SPNS3: variants seen among roughly 807,000 people sequenced by gnomAD.
SPNS3 encodes protein spinster homolog 3.
SPNS3 carries 51 observed loss-of-function variants against 54.4 expected under a neutral mutation model. That is an observed-to-expected ratio of 0.94 (90% CI 0.75 to 1.18). SPNS3 has a LOEUF of 1.18. SPNS3 is among the 50% of genes most tolerant of loss of function. The pLI, the probability that SPNS3 is intolerant of heterozygous loss-of-function variation, is 0.00. For synonymous variants in SPNS3, 309 were observed against 294.7 expected, an observed-to-expected ratio of 1.05 and a Z score of -0.50; for missense variants, 669 against 677.4, an observed-to-expected ratio of 0.99 and a Z score of 0.14.
intron 8 of SPNS3, among the ~76,000 whole-genome samples, chr17:4,473,723 G>A (rs559782805): frequency 2.0e-5 from 3 of 152,274 alleles, no homozygotes; most frequent in African/African-American, 7.2e-5. Context: ...GTGAGGACCT[G>A]GGATGGAGGC....
intron 3 of SPNS3, 143 bp from the exon 4 acceptor site, chr17:4,445,905 G>A (rs62067396): frequency 0.13 from 118,529 of 888,132 alleles, 8,961 homozygotes; most frequent in Middle Eastern, 0.17. Context: ...CTGGAGTGGA[G>A]AGGTGTCTGT....
In SPNS3 at chr17:4,486,344, G is replaced by T; in HGVS notation, c.1278+18G>T. The T allele has an allele frequency of 6.2e-7, 1 of 1,600,310 alleles. No individual in the cohort carries two copies. Among genetic ancestry groups the T allele is most frequent in the Non-Finnish European group, 8.5e-7 (1 of 1,174,130 alleles). The stretch of plus-strand genomic sequence containing the variant: ...CAGGACTTGTAAGACGTGTCTGCGT[G>T]TGTGGGGTGGGGAGGGTCTGGGGGC... On this transcript the variant is annotated intron_variant, in intron 10 of 11. Transcript: ENST00000355530. The surrounding 1 kb of genome is among the most constrained non-coding windows in gnomAD (Gnocchi z 5.5).
At chr17:4,481,417 G>A (rs1306133219) in intron 9 of SPNS3, among the ~76,000 whole-genome samples, 1 of 152,174 alleles carries the variant, frequency 6.6e-6, no homozygotes, top group Non-Finnish European at 1.5e-5. Context: ...CAGGGGCCCA[G>A]GGAGGGAGGA....
intron 1 of SPNS3, among the ~76,000 whole-genome samples, chr17:4,437,901 C>T (rs1216749462): frequency 6.6e-6 from 1 of 151,860 alleles, no homozygotes; most frequent in African/African-American, 2.4e-5. Context: ...ATTCTCCTGC[C>T]TCAGCCTCCT....
At chr17:4,470,432 T>C (rs1245591807) in intron 8 of SPNS3, among the ~76,000 whole-genome samples, 1 of 151,698 alleles carries the variant, frequency 6.6e-6, no homozygotes, top group Non-Finnish European at 1.5e-5. Flanking sequence ...TGTCTTAAAA[T>C]AATATTAGTA....
chr17:4,467,032 C>T (rs1253031413), intron 8 of SPNS3, among the ~76,000 whole-genome samples: 2 of 151,930 alleles, frequency 1.3e-5, no homozygotes, highest in East Asian at 1.9e-4. Flanking sequence ...AGCGGGGAAG[C>T]GCAGTCCATG....
chr17:4,480,932 C>G (rs1241060636), intron 9 of SPNS3, among the ~76,000 whole-genome samples: 1 of 152,192 alleles, frequency 6.6e-6, no homozygotes, highest in Admixed American at 6.5e-5. Context: ...CTGAGCAATC[C>G]TTGTAGCCCC....
intron 1 of SPNS3, among the ~76,000 whole-genome samples, chr17:4,436,932 G>T (rs1478449811): frequency 6.6e-6 from 1 of 152,202 alleles, no homozygotes; most frequent in Middle Eastern, 3.2e-3. Flanking sequence ...CTGAACCCAC[G>T]AGCCTGGGGA....
chr17:4,476,944 C>T (rs1024543380), intron 8 of SPNS3, among the ~76,000 whole-genome samples: 1 of 152,228 alleles, frequency 6.6e-6, no homozygotes, highest in Non-Finnish European at 1.5e-5. Flanking sequence ...CGTGGGTCCC[C>T]GGCTGGCGTG....
chr17:4,439,782 T>C, intron 2 of SPNS3, 59 bp downstream of exon 2: 1 of 1,493,396 alleles, frequency 6.7e-7, no homozygotes. Flanking sequence ...GGTGGGCTCT[T>C]TCTGTGGGTC....
intron 7 of SPNS3, 37 bp from the exon 8 acceptor site, chr17:4,452,979 C>T (rs1410767088): frequency 6.3e-7 from 1 of 1,592,388 alleles, no homozygotes; most frequent in East Asian, 2.2e-5. Context: ...GCTAAGCTCA[C>T]CCAGCTGACC....
chr17:4,485,010 A>C (rs576458383), intron 9 of SPNS3: 1 of 152,166 alleles, frequency 6.6e-6, no homozygotes, highest in Non-Finnish European at 1.5e-5. Context: ...TGTGCATAGG[A>C]GTTGCGGGAG....
intron 8 of SPNS3, among the ~76,000 whole-genome samples, chr17:4,470,230 A>G (rs535387003): frequency 6.6e-6 from 1 of 152,140 alleles, no homozygotes; most frequent in African/African-American, 2.4e-5. Context: ...GGAGTTCGAG[A>G]CCAGCCTGGC....
chr17:4,449,131 A>G lies in SPNS3; in HGVS notation c.771-104A>G. The G allele has an allele frequency of 3.8e-6, 5 of 1,326,824 alleles. No homozygotes were observed. The Admixed American group carries it at 9.7e-5, about 26-fold the overall frequency. The allele number at this position is 1,326,824 out of a possible 1,614,324, so 82.2% of individuals were successfully genotyped here. On this transcript the variant is annotated intron_variant, in intron 6 of 11. Transcript: ENST00000355530. ...CCTATGGAATCTTGAAGGTAATGAG[A>G]CAAGATGGGAAAGTTCCTAGACTGC... is the stretch of plus-strand genomic sequence containing the variant.
intron 1 of SPNS3, among the ~76,000 whole-genome samples, chr17:4,438,079 G>A (rs535148556): frequency 3.0e-4 from 46 of 152,334 alleles, no homozygotes; most frequent in African/African-American, 1.0e-3. Context: ...GAGCCACCAC[G>A]TCCCTCCCTG....
rs748351272 is a variant in SPNS3 at position 4,486,592 on chromosome 17, C to G, written c.1450+9C>G. On this transcript the variant is annotated intron_variant, in intron 11 of 11. Coordinates refer to ENST00000355530, the MANE Select transcript of SPNS3 (RefSeq NM_182538.5). This position sits in a 1 kb window ranked among gnomAD's most constrained non-coding sequence, Gnocchi z 5.5. ...CTGGCAGCCTGTCACAGGTACCCTA[C>G]CCATTGCACCAGGCCCGGCTCAGGG... 1 of 1,604,484 alleles carries G rather than the reference C, an allele frequency of 6.2e-7. No individual in the cohort carries two copies. Among genetic ancestry groups the G allele is most frequent in the Admixed American group, 1.7e-5 (1 of 59,208 alleles).
At chr17:4,484,451 G>A (rs1423441147) in intron 9 of SPNS3, among the ~76,000 whole-genome samples, 1 of 152,132 alleles carries the variant, frequency 6.6e-6, no homozygotes, top group Non-Finnish European at 1.5e-5. Context: ...CTCCTGAGTA[G>A]CTGGGATTAT....
rs554968916 is a variant in SPNS3 at position 4,438,638 on chromosome 17, T to C, written c.200-1020T>C. 5.9e-5 allele frequency among the ~76,000 whole-genome samples: 9 copies of C among 152,346 alleles called. No homozygotes were observed. In the East Asian group the frequency reaches 1.4e-3, roughly 23 times the overall value. Reference sequence around the variant, plus strand: ...GAACAGGCTTGTGTGTGCACATGCGTGCAAGCCAGGACACGTTCGTCTTTT... The same window carrying C: ...GAACAGGCTTGTGTGTGCACATGCGCGCAAGCCAGGACACGTTCGTCTTTT... On this transcript the variant is annotated intron_variant, in intron 1 of 11. Coordinates refer to ENST00000355530, the MANE Select transcript of SPNS3 (RefSeq NM_182538.5).
chr17:4,450,354 C>CCTCTCTCTCT lies in SPNS3; in HGVS notation c.923+973_923+982dup, dbSNP rs58694489. Among the ~76,000 whole-genome samples, 3 of 122,194 alleles carry CCTCTCTCTCT rather than the reference C, an allele frequency of 2.5e-5. No individual in the cohort carries two copies. The Admixed American group carries it at 2.7e-4, about 11-fold the overall frequency. 80.2% of individuals were successfully genotyped at this position (122,194 alleles called of 152,430 possible). On this transcript the variant is annotated intron_variant, in intron 7 of 11. Coordinates refer to ENST00000355530, the MANE Select transcript of SPNS3 (RefSeq NM_182538.5). ...CTCCCTCTCCCTCTCCCTCTCCCCT[C>CCTCTCTCTCT]CTCTCTCTCTCTCTCCCTACCCCTC...
Sources: allele counts gnomAD v4.1 joint callset (sites outside exome capture counted in the v4.1 genomes callset), GRCh38; gene constraint gnomAD v4.1.1; non-coding constraint Gnocchi (gnomAD v3.1); transcripts MANE v1.5; gene names NCBI Gene and HGNC (gene_info 2026-07-23, HGNC 2026-07-21).